UBTF: variants seen among roughly 807,000 people sequenced by gnomAD.
UBTF encodes the protein upstream binding transcription factor, also known as nucleolar transcription factor 1.
UBTF carries 8 observed loss-of-function variants against 112.3 expected under a neutral mutation model. The ratio of observed to expected loss-of-function variants is 0.07; its 90% confidence interval spans 0.04 to 0.13. The LOEUF is 0.13. Ranked by LOEUF, UBTF falls within the 10% of genes least tolerant of loss-of-function variation. UBTF has a pLI of 1.00. For synonymous variants in UBTF, 417 were observed against 373.1 expected (o/e 1.12, Z -1.36); for missense variants, 457 against 982.1 (o/e 0.47, Z 7.15).
chr17:44,218,988 C>T (rs1276384153), intron 1 of UBTF: 2 of 150,248 alleles, frequency 1.3e-5, no homozygotes, highest in Non-Finnish European at 3.0e-5. Flanking sequence ...GCCGCCACCG[C>T]CCAGCCACCC....
intron 8 of UBTF, 104 bp downstream of exon 8, chr17:44,212,240 A>G: frequency 1.0e-6 from 1 of 978,860 alleles, no homozygotes; most frequent in Non-Finnish European, 1.5e-6. Flanking sequence ...CTCCCTCAAC[A>G]GAGGGATGGG....
Position 44,210,885 on chromosome 17 carries a change from C to T in UBTF, c.1266G>A (p.Arg422=), listed in dbSNP as rs750829588. 13 of 1,596,356 alleles carry T rather than the reference C, an allele frequency of 8.1e-6. No homozygotes were observed. In the South Asian group the frequency reaches 1.5e-4, roughly 18 times the overall value. ...CAGGCCGCTCCTCCTGCAGCTGCCG[C>T]CGTTTCTCCTCCGAGAAGATGAACA... ...SAMFIFSEEK[R]RQLQEERPEL... The change falls in exon 13 of 21, where the codon CGG becomes CGA. Residue 422 remains arginine, a synonymous_variant. Transcript: ENST00000436088.
intron 18 of UBTF, 42 bp from the exon 19 acceptor site, chr17:44,207,812 A>C (rs752253798): frequency 6.2e-7 from 1 of 1,613,668 alleles, no homozygotes; most frequent in South Asian, 1.1e-5. Context: ...TGAGTTCGAC[A>C]CCCCTGAATT....
At chr17:44,216,876 T>G (rs968014792) in intron 2 of UBTF, among the ~76,000 whole-genome samples, 172 bp from the exon 3 acceptor site, 3 of 152,184 alleles carry the variant, frequency 2.0e-5, no homozygotes, top group Non-Finnish European at 4.4e-5. Flanking sequence ...GTGGCCATAT[T>G]GGATCAGGGC....
intron 5 of UBTF, chr17:44,215,328 G>A (rs737303): frequency 0.011 from 3,222 of 300,882 alleles, 30 homozygotes; most frequent in Non-Finnish European, 0.014. Flanking sequence ...CGTCATAGAG[G>A]GTGAAGAAGT....
intron 15 of UBTF, 124 bp downstream of exon 15, chr17:44,210,000 G>A: frequency 1.9e-6 from 2 of 1,048,114 alleles, no homozygotes; most frequent in Non-Finnish European, 2.9e-6. Context: ...CAGAGGTTCA[G>A]AGAAGGAAGC....
chr17:44,210,708 G>A, intron 13 of UBTF, 84 bp downstream of exon 13: 1 of 1,522,742 alleles, frequency 6.6e-7, no homozygotes, highest in Non-Finnish European at 8.8e-7. Flanking sequence ...AGGCGGCCAG[G>A]GGCGAGGTGG....
chr17:44,218,332 T>C, intron 1 of UBTF, 36 bp from the exon 2 acceptor site: 1 of 1,330,650 alleles, frequency 7.5e-7, no homozygotes, highest in Non-Finnish European at 1.1e-6. Flanking sequence ...TCAGGAAGGC[T>C]GAGAGGTGAA....
intron 17 of UBTF, chr17:44,209,131 T>C (rs2056481905): frequency 1.1e-5 from 5 of 455,792 alleles, no homozygotes; most frequent in African/African-American, 2.0e-5. Flanking sequence ...ACTACACCAC[T>C]GTACTCCAGC....
chr17:44,219,686 G>A (rs2047070706), upstream of UBTF: 1 of 150,260 alleles, frequency 6.7e-6, no homozygotes, highest in Non-Finnish European at 1.5e-5. Context: ...AAAGCACAGC[G>A]CCCTCCGCCT....
upstream of UBTF, chr17:44,220,747 G>C (rs1285049984): frequency 2.6e-5 from 4 of 151,840 alleles, no homozygotes; most frequent in Non-Finnish European, 5.9e-5. Flanking sequence ...TACCGAGCGT[G>C]TGGATGGGAG....
chr17:44,207,620 A>G (rs779494427), intron 19 of UBTF, 23 bp from the exon 20 acceptor site: 1 of 1,614,076 alleles, frequency 6.2e-7, no homozygotes, highest in Admixed American at 1.7e-5. Flanking sequence ...GAGGCACATC[A>G]GTGGTCTCTG....
chr17:44,213,338 T>A lies in UBTF; in HGVS notation c.475-56A>T, dbSNP rs757107827. The A allele has an allele frequency of 1.2e-4, 185 of 1,569,792 alleles. 2 individuals are homozygous for A. The South Asian group carries it at 1.9e-3, about 16-fold the overall frequency. ...GACCCAAGGGTATCTCACCCTGAGC[T>A]ATGAAGGCCACCCAGACCCCTCCTC... On this transcript the variant is annotated intron_variant, in intron 5 of 20. Coordinates refer to ENST00000436088, the MANE Select transcript of UBTF (RefSeq NM_014233.4).
chr17:44,207,994 C>T (rs905150892), intron 17 of UBTF, 83 bp from the exon 18 acceptor site: 41 of 1,573,800 alleles, frequency 2.6e-5, no homozygotes, highest in Middle Eastern at 1.7e-4. Flanking sequence ...AGGCAGTGGG[C>T]TGAGCATTTA....
At chr17:44,219,720 C>T (rs1030760117), upstream of UBTF, 30 of 153,384 alleles carry the variant, frequency 2.0e-4, no homozygotes, top group South Asian at 5.0e-3. Context: ...CCGCCGCCGG[C>T]CCCGGCCTCA....
chr17:44,211,811 T>C lies in UBTF; in HGVS notation c.905+62A>G, dbSNP rs1026343701. On this transcript the variant is annotated intron_variant, in intron 9 of 20. Transcript: ENST00000436088. The surrounding 1 kb of genome is among the most constrained non-coding windows in gnomAD (Gnocchi z 4.9). ...GAGCAGGGCAGCAGGCCTTCTCACCTGCAGAGCCCAGCCCAACTTCCCAGC... is the reference window on the plus strand; with the variant it reads ...GAGCAGGGCAGCAGGCCTTCTCACCCGCAGAGCCCAGCCCAACTTCCCAGC... 2.0e-5 allele frequency: 32 copies of C among 1,601,030 alleles called. No individual in the cohort carries two copies. The highest frequency in any genetic ancestry group is 2.4e-5 in the Non-Finnish European group (28 of 1,174,812).
At chr17:44,208,587 C>T (rs897828998) in intron 17 of UBTF, 3 of 156,842 alleles carry the variant, frequency 1.9e-5, no homozygotes, top group African/African-American at 7.2e-5. Context: ...AACACCAAAC[C>T]CTTGAGCCAT....
intron 2 of UBTF, 52 bp downstream of exon 2, chr17:44,218,120 C>T: frequency 6.3e-7 from 1 of 1,577,520 alleles, no homozygotes; most frequent in Non-Finnish European, 8.7e-7. Context: ...GCCCCGCAGC[C>T]ACGAGGGAAA....
rs2056224971 is a variant in UBTF at position 44,206,087 on chromosome 17, CCT to C, written c.*1153_*1154del. 1 of 152,140 alleles carries C rather than the reference CCT, an allele frequency of 6.6e-6. No homozygotes were observed. The highest frequency in any genetic ancestry group is 2.4e-5 in the African/African-American group (1 of 41,416). The allele number at this position is 152,140 out of a possible 1,614,324, so 9.4% of individuals were successfully genotyped here. A position where few individuals can be genotyped will look rare whatever the true frequency, so the allele number is the denominator to read the frequency against. ...CTGAGCCTGGGGTGGCCAGGCTTGG[CCT>C]CTCAGATGAACAGGGGAGACCTTTT... On this transcript the variant is annotated 3_prime_UTR_variant, in exon 21 of 21. Transcript: ENST00000436088.
Sources: gnomAD v4.1 joint callset for allele counts (sites outside exome capture counted in the v4.1 genomes callset) on GRCh38, gnomAD v4.1.1 for gene constraint, Gnocchi (gnomAD v3.1) non-coding constraint, MANE v1.5 for transcripts, NCBI Gene and HGNC (gene_info 2026-07-23, HGNC 2026-07-21) for gene names.